PRICKLE2: variants seen among roughly 807,000 people sequenced by gnomAD.
PRICKLE2 encodes the protein prickle planar cell polarity protein 2.
PRICKLE2 carries 21 observed loss-of-function variants against 81.4 expected under a neutral mutation model. That is an observed-to-expected ratio of 0.26 (90% confidence interval 0.18 to 0.37). PRICKLE2 has a LOEUF of 0.37. Among genes scored for constraint, PRICKLE2 ranks in the 10% least tolerant of loss-of-function variants. PRICKLE2 has a pLI of 1.00. For synonymous variants in PRICKLE2, 456 were observed against 421.5 expected (o/e 1.08, Z -1.00); for missense variants, 940 against 1,109.0 (o/e 0.85, Z 2.16).
chr3:64,141,912 T>C (rs1029917141), intron 7 of PRICKLE2: 4 of 985,088 alleles, frequency 4.1e-6, no homozygotes, highest in Non-Finnish European at 4.8e-6. Context: ...GTGCTTTCAC[T>C]AAGCCTTTTG....
intron 7 of PRICKLE2, among the ~76,000 whole-genome samples, chr3:64,110,223 G>A (rs1310447313): frequency 6.6e-6 from 1 of 152,208 alleles, no homozygotes. Context: ...ACCCCATGCT[G>A]CTTTCTAGAA....
intron 3 of PRICKLE2, among the ~76,000 whole-genome samples, chr3:64,162,304 A>G (rs1012963360): frequency 6.6e-6 from 1 of 152,186 alleles, no homozygotes; most frequent in Middle Eastern, 3.2e-3. Context: ...TTACCTAAAA[A>G]TGAATTTCTA....
chr3:64,210,063 G>C (rs978796826), intron 1 of PRICKLE2, among the ~76,000 whole-genome samples: 1 of 152,114 alleles, frequency 6.6e-6, no homozygotes, highest in Non-Finnish European at 1.5e-5. Flanking sequence ...CCACTGTCTA[G>C]ATTAATGACA....
chr3:64,127,090 C>G (rs2077121018), intron 7 of PRICKLE2, among the ~76,000 whole-genome samples: 1 of 152,172 alleles, frequency 6.6e-6, no homozygotes, highest in African/African-American at 2.4e-5. Context: ...TCCAGTAGGG[C>G]AGACAGGCAA....
At chr3:64,177,217 C>G (rs548747030) in intron 2 of PRICKLE2, among the ~76,000 whole-genome samples, 1 of 128,986 alleles carries the variant, frequency 7.8e-6, no homozygotes, top group East Asian at 2.7e-4. Flanking sequence ...CTCACTGCAA[C>G]CTCCGTCTCC....
chr3:64,248,601 G>A (rs2079394495), intron 2 of PRICKLE2, among the ~76,000 whole-genome samples: 1 of 148,616 alleles, frequency 6.7e-6, no homozygotes, highest in Admixed American at 6.7e-5. Flanking sequence ...AACCCAGCTG[G>A]AAAAACCTTG....
intron 7 of PRICKLE2, among the ~76,000 whole-genome samples, chr3:64,137,199 C>T (rs763173311): frequency 3.4e-4 from 51 of 152,096 alleles, no homozygotes; most frequent in Admixed American, 1.1e-3. Flanking sequence ...AACTAAATGG[C>T]TTGAGTTTTA....
At chr3:64,117,496 A>G (rs1298678896) in intron 7 of PRICKLE2, among the ~76,000 whole-genome samples, 3 of 152,238 alleles carry the variant, frequency 2.0e-5, no homozygotes, top group African/African-American at 7.2e-5. Context: ...AAACAACTTC[A>G]GCAAAGTCTC....
At chr3:64,193,278 C>T (rs1384039592) in intron 2 of PRICKLE2, among the ~76,000 whole-genome samples, 2 of 152,156 alleles carry the variant, frequency 1.3e-5, no homozygotes, top group African/African-American at 4.8e-5. Flanking sequence ...GTCCATTCTC[C>T]TTTGCACAGG....
chr3:64,203,544 G>C (rs898319612), intron 1 of PRICKLE2, among the ~76,000 whole-genome samples: 2 of 152,042 alleles, frequency 1.3e-5, no homozygotes, highest in Non-Finnish European at 2.9e-5. Flanking sequence ...AATTATGCAG[G>C]GAAGAGCACA....
chr3:64,219,542 C>T (rs1177285349), intron 1 of PRICKLE2, among the ~76,000 whole-genome samples: 1 of 152,194 alleles, frequency 6.6e-6, no homozygotes, highest in Non-Finnish European at 1.5e-5. Context: ...CAAGCAATCT[C>T]ACACTTTCAT....
intron 6 of PRICKLE2, among the ~76,000 whole-genome samples, chr3:64,151,672 G>C (rs141524570): frequency 6.6e-6 from 1 of 152,288 alleles, no homozygotes; most frequent in African/African-American, 2.4e-5. Flanking sequence ...CCTCGGTTGG[G>C]CAATACTGAG....
chr3:64,163,674 A>G (rs1338570048), intron 2 of PRICKLE2: 1 of 172,692 alleles, frequency 5.8e-6, no homozygotes, highest in African/African-American at 2.4e-5. Flanking sequence ...AGACTCACTA[A>G]ATCTGGGATG....
rs901792900 is a variant in PRICKLE2, at chr3:64,097,086, C to G, written c.*1965G>C. ...TAATAGAGTTAATTCTCCGGAGGCT[C>G]GGATAATTAATGAAGCATTTAGATA... On this transcript the variant is annotated 3_prime_UTR_variant, in exon 8 of 8. Transcript: ENST00000638394. 2.0e-5 allele frequency: 3 copies of G among 152,412 alleles called. No homozygotes were observed. The highest frequency in any genetic ancestry group is 7.3e-5 in the African/African-American group (3 of 41,360). 9.4% of individuals were successfully genotyped at this position (152,412 alleles called of 1,614,324 possible).
At chr3:64,256,931 C>T (rs1445899185) in intron 2 of PRICKLE2, among the ~76,000 whole-genome samples, 2 of 152,164 alleles carry the variant, frequency 1.3e-5, no homozygotes, top group Non-Finnish European at 2.9e-5. Flanking sequence ...GGCACTGAGT[C>T]TAATTTCATT....
intron 2 of PRICKLE2, among the ~76,000 whole-genome samples, chr3:64,266,212 A>G (rs79809179): frequency 6.6e-6 from 1 of 152,118 alleles, no homozygotes; most frequent in Admixed American, 6.5e-5. Flanking sequence ...AAAAAAAAAA[A>G]AGCTAAACCA....
intron 2 of PRICKLE2, among the ~76,000 whole-genome samples, chr3:64,244,108 G>A (rs539267828): frequency 6.6e-6 from 1 of 152,302 alleles, no homozygotes; most frequent in Non-Finnish European, 1.5e-5. Context: ...ATGTTAACTT[G>A]CATGGAATCA....
chr3:64,236,040 G>GT (rs1199995460), intron 2 of PRICKLE2, among the ~76,000 whole-genome samples: 1 of 152,124 alleles, frequency 6.6e-6, no homozygotes, highest in African/African-American at 2.4e-5. Context: ...AGATTTCCTT[G>GT]TGTTTTTCCA....
At position 64,157,511 on chromosome 3, in the gene PRICKLE2, C is replaced by T. The variant is rs541590456; in HGVS notation, c.397-146G>A. ...TATGCTTCCTGCTTTACACAGGCAGCAGGGCAGGTTTTTCTTGTCCTCCCT... is the reference window on the plus strand; with the variant it reads ...TATGCTTCCTGCTTTACACAGGCAGTAGGGCAGGTTTTTCTTGTCCTCCCT... On this transcript the variant is annotated intron_variant, in intron 4 of 7. Coordinates refer to ENST00000638394, the MANE Select transcript of PRICKLE2 (RefSeq NM_198859.4). 1.8e-5 allele frequency: 15 copies of T among 834,496 alleles called. No individual in the cohort carries two copies. In the African/African-American group the frequency reaches 2.3e-4, roughly 13 times the overall value. 51.7% of individuals were successfully genotyped at this position (834,496 alleles called of 1,614,324 possible).
Sources: gnomAD v4.1 joint callset for allele counts (sites outside exome capture counted in the v4.1 genomes callset) on GRCh38, gnomAD v4.1.1 for gene constraint, MANE v1.5 for transcripts, NCBI Gene and HGNC (gene_info 2026-07-23, HGNC 2026-07-21) for gene names.